CCR6: variants seen among roughly 807,000 people sequenced by gnomAD.
The protein encoded by CCR6 is C-C chemokine receptor type 6.
Under a neutral mutation model 3.0 loss-of-function variants are expected in CCR6, and 2 were observed. That is an observed-to-expected ratio of 0.66 (90% CI 0.27 to 2.07). The LOEUF (loss-of-function observed/expected upper bound fraction) is 2.07. CCR6 is among the 30% of genes most tolerant of loss of function. CCR6 has a pLI of 0.14. For synonymous variants in CCR6, 193 were observed against 184.3 expected, an observed-to-expected ratio of 1.05 and a Z score of -0.38; for missense variants, 322 against 462.8, an observed-to-expected ratio of 0.70 and a Z score of 2.79.
chr6:167,115,365 A>AT (rs1781477555), intron 1 of CCR6: 1 of 152,182 alleles, frequency 6.6e-6, no homozygotes, highest in African/African-American at 2.4e-5. Flanking sequence ...TGATTGGGAG[A>AT]TTTTTAAGTA....
intron 1 of CCR6, among the ~76,000 whole-genome samples, chr6:167,124,799 GCA>G (rs3836950): frequency 0.04 from 5,994 of 150,454 alleles, 328 homozygotes; most frequent in African/African-American, 0.12. Flanking sequence ...GCATATGCGC[GCA>G]CACACACACA....
intron 1 of CCR6, among the ~76,000 whole-genome samples, chr6:167,133,346 A>G (rs1034695970): frequency 6.6e-6 from 1 of 152,216 alleles, no homozygotes; most frequent in Non-Finnish European, 1.5e-5. Context: ...TTCCAGGACC[A>G]TTTACTGAAG....
intron 1 of CCR6, chr6:167,115,916 A>G (rs1415871737): frequency 1.3e-5 from 2 of 152,206 alleles, no homozygotes; most frequent in African/African-American, 2.4e-5. Flanking sequence ...GGCTGTATCT[A>G]TAATGTCATG....
At chr6:167,121,405 T>A (rs1781584602), upstream of CCR6, 1 of 152,274 alleles carries the variant, frequency 6.6e-6, no homozygotes, top group Non-Finnish European at 1.5e-5. Context: ...TAAAAGGGCT[T>A]ACTTTCTTAC....
chr6:167,136,780 G>T lies in CCR6; in HGVS notation c.550G>T (p.Val184Phe). The change falls in exon 3 of 3, where the codon GTC becomes TTC. Residue 184 changes from valine (V) to phenylalanine (F), a missense_variant. Transcript: ENST00000341935. This position sits in a 1 kb window ranked among gnomAD's most constrained non-coding sequence, Gnocchi z 4.6. Reference sequence around the variant, plus strand: ...AGTCATCATCTCCAGCTCAACTTTTGTCTTCAACCAAAAATACAACACCCA... The same window carrying T: ...AGTCATCATCTCCAGCTCAACTTTTTTCTTCAACCAAAAATACAACACCCA... ...LSVIISSSTF[V>F]FNQKYNTQGS... 6.2e-7 allele frequency: 1 copy of T among 1,613,952 alleles called. No individual in the cohort carries two copies. The highest frequency in any genetic ancestry group is 8.5e-7 in the Non-Finnish European group (1 of 1,180,034).
intron 1 of CCR6, chr6:167,116,959 C>G (rs78480820): frequency 1.3e-5 from 2 of 152,246 alleles, no homozygotes; most frequent in Non-Finnish European, 2.9e-5. Context: ...GGAGATGACC[C>G]GTCCCGTGGG....
intron 1 of CCR6, among the ~76,000 whole-genome samples, chr6:167,124,981 T>C (rs1781648750): frequency 6.6e-6 from 1 of 152,100 alleles, no homozygotes; most frequent in African/African-American, 2.4e-5. Context: ...TATACACACA[T>C]GTGCACACCT....
At chr6:167,133,672 T>A (rs1005345590) in intron 1 of CCR6, among the ~76,000 whole-genome samples, 2 of 151,828 alleles carry the variant, frequency 1.3e-5, no homozygotes, top group Non-Finnish European at 2.9e-5. Flanking sequence ...TAGTTTATGT[T>A]GTATCTACAG....
chr6:167,115,497 A>T (rs906596215), intron 1 of CCR6: 1 of 152,206 alleles, frequency 6.6e-6, no homozygotes, highest in South Asian at 2.1e-4. Context: ...GTGTTTAAGC[A>T]GGGTGCCTTG....
At chr6:167,135,979 C>A in intron 1 of CCR6, 59 bp from the exon 2 acceptor site, 1 of 750,962 alleles carries the variant, frequency 1.3e-6, no homozygotes. Context: ...ACTTAACTGT[C>A]TGGCTCTCCA....
At chr6:167,113,822 G>A (rs530240035) in intron 1 of CCR6, among the ~76,000 whole-genome samples, 3 of 152,334 alleles carry the variant, frequency 2.0e-5, no homozygotes, top group Non-Finnish European at 2.9e-5. Context: ...AGATGACTGC[G>A]TTAGAGAGGA....
intron 1 of CCR6, chr6:167,115,442 T>A (rs1049737541): frequency 6.6e-6 from 1 of 152,266 alleles, no homozygotes; most frequent in African/African-American, 2.4e-5. Flanking sequence ...TCATTCATCA[T>A]AAAAATCTTG....
intron 1 of CCR6, among the ~76,000 whole-genome samples, chr6:167,128,391 C>T (rs541770901): frequency 4.5e-4 from 69 of 152,318 alleles, no homozygotes; most frequent in Admixed American, 1.9e-3. Context: ...TTAGTGACCA[C>T]GGTGGAGAGT....
intron 1 of CCR6, 136 bp from the exon 2 acceptor site, chr6:167,135,902 C>A: frequency 3.9e-6 from 2 of 519,322 alleles, no homozygotes; most frequent in Non-Finnish European, 3.4e-6. Flanking sequence ...GATGCCTATT[C>A]TCAATGAATA....
rs538652648 is a variant in CCR6 at position 167,123,577 on chromosome 6, A to C, written c.-98+354A>C. 4.6e-5 allele frequency among the ~76,000 whole-genome samples: 7 copies of C among 152,346 alleles called. No homozygotes were observed. In the South Asian group the frequency reaches 1.4e-3, roughly 32 times the overall value. On this transcript the variant is annotated intron_variant, in intron 1 of 2. Transcript: ENST00000341935. ...AATACACTGAAAGATTTTGGAAAAC[A>C]AAAAAATTAAGCTAAGAAATATTTT...
In CCR6 at chr6:167,138,214, CAA is replaced by C. The variant is rs1781879121; in HGVS notation, c.*860_*861del. On this transcript the variant is annotated 3_prime_UTR_variant, in exon 3 of 3. Coordinates refer to ENST00000341935, the MANE Select transcript of CCR6 (RefSeq NM_031409.4). The stretch of plus-strand genomic sequence containing the variant: ...GGAGTTCCAGCAAACAAAATGGACT[CAA>C]GAGAGATTTGATTAATGAATCGTAA... 1 of 151,876 alleles carries C rather than the reference CAA, an allele frequency of 6.6e-6. No individual in the cohort carries two copies. Among genetic ancestry groups the C allele is most frequent in the Non-Finnish European group, 1.5e-5 (1 of 67,974 alleles). The allele number at this position is 151,876 out of a possible 1,614,324, so 9.4% of individuals were successfully genotyped here.
At chr6:167,114,112 G>T (rs752952158) in intron 1 of CCR6, among the ~76,000 whole-genome samples, 28 of 152,244 alleles carry the variant, frequency 1.8e-4, no homozygotes, top group Non-Finnish European at 3.2e-4. Flanking sequence ...GCAAAGCAGG[G>T]CCCTTCGGCA....
upstream of CCR6, among the ~76,000 whole-genome samples, chr6:167,120,432 C>G (rs147117199): frequency 1.3e-5 from 2 of 152,234 alleles, no homozygotes; most frequent in African/African-American, 2.4e-5. Context: ...GACCAATGTC[C>G]ACAAAGTGGT....
chr6:167,114,291 G>A (rs1781458562), intron 1 of CCR6, among the ~76,000 whole-genome samples: 1 of 152,212 alleles, frequency 6.6e-6, no homozygotes, highest in African/African-American at 2.4e-5. Flanking sequence ...GGTGGAGATG[G>A]TGGTTTGATG....
Sources: allele counts gnomAD v4.1 joint callset (sites outside exome capture counted in the v4.1 genomes callset), GRCh38; gene constraint gnomAD v4.1.1; non-coding constraint Gnocchi (gnomAD v3.1); transcripts MANE v1.5; gene names NCBI Gene and HGNC (gene_info 2026-07-23, HGNC 2026-07-21).